RUNDC3B: variants seen among roughly 807,000 people sequenced by gnomAD.
The protein encoded by RUNDC3B is RUN domain-containing protein 3B.
A neutral mutation model predicts 58.4 loss-of-function variants in RUNDC3B; 33 were observed. The observed-to-expected ratio is 0.56, with a 90% CI of 0.43 to 0.75. The LOEUF (loss-of-function observed/expected upper bound fraction) is 0.75, where lower values mean the gene tolerates loss of function less well. RUNDC3B is among the 30% of genes least tolerant of loss of function. The pLI is 0.00. For synonymous variants in RUNDC3B, 193 were observed against 195.2 expected (o/e 0.99, Z 0.10); for missense variants, 501 against 535.7 (o/e 0.94, Z 0.64).
At chr7:87,670,520 TG>T (rs1336460888) in intron 2 of RUNDC3B, among the ~76,000 whole-genome samples, 1 of 152,186 alleles carries the variant, frequency 6.6e-6, no homozygotes, top group Non-Finnish European at 1.5e-5. Flanking sequence ...GGGGAATGGG[TG>T]TGGTCATTTG....
chr7:87,733,308 C>T (rs894321432), intron 4 of RUNDC3B, among the ~76,000 whole-genome samples: 1 of 152,178 alleles, frequency 6.6e-6, no homozygotes, highest in Non-Finnish European at 1.5e-5. Flanking sequence ...CTCGTTCTGG[C>T]AGTCCAACCT....
intron 2 of RUNDC3B, among the ~76,000 whole-genome samples, chr7:87,669,307 T>C (rs572365703): frequency 6.6e-6 from 1 of 152,214 alleles, no homozygotes; most frequent in Non-Finnish European, 1.5e-5. Context: ...CCCTTCTTTT[T>C]TCTGTTTTCC....
At chr7:87,792,936 G>A (rs1362403294) in intron 8 of RUNDC3B, among the ~76,000 whole-genome samples, 3 of 151,842 alleles carry the variant, frequency 2.0e-5, no homozygotes, top group African/African-American at 7.2e-5. Context: ...TAAACAAAAT[G>A]GACAAACCCT....
chr7:87,768,685 T>C (rs1450014459), intron 6 of RUNDC3B, among the ~76,000 whole-genome samples: 1 of 152,178 alleles, frequency 6.6e-6, no homozygotes, highest in Non-Finnish European at 1.5e-5. Context: ...ACCTACCCTT[T>C]CTATGGGACT....
intron 2 of RUNDC3B, among the ~76,000 whole-genome samples, chr7:87,652,615 G>T (rs895537224): frequency 4.5e-4 from 51 of 113,446 alleles, no homozygotes; most frequent in Admixed American, 4.2e-3. Context: ...GACTCTTGTG[G>T]TCACTGATAT....
chr7:87,769,978 C>T (rs1267658392), intron 6 of RUNDC3B, among the ~76,000 whole-genome samples: 1 of 151,930 alleles, frequency 6.6e-6, no homozygotes, highest in Non-Finnish European at 1.5e-5. Context: ...ATAGTCATAT[C>T]CTGAGGAATT....
In RUNDC3B at chr7:87,816,269, A is replaced by C. The variant is rs1837026251; in HGVS notation, c.1225+7A>C. The C allele has an allele frequency of 5.6e-6, 9 of 1,604,692 alleles. No individual in the cohort carries two copies. Among genetic ancestry groups the C allele is most frequent in the Non-Finnish European group, 7.7e-6 (9 of 1,175,562 alleles). On this transcript the variant is annotated splice_region_variant and intron_variant, in intron 10 of 10. Transcript: ENST00000394654. ...TTAAATGTAATGAGTGAAGGTAAGAAAACAAAGAACTATTTGAAAATTACT... is the reference window on the plus strand; with the variant it reads ...TTAAATGTAATGAGTGAAGGTAAGACAACAAAGAACTATTTGAAAATTACT...
rs1238833864 is a variant in RUNDC3B, at chr7:87,821,976, C to T, written c.1225+5714C>T. On this transcript the variant is annotated intron_variant, in intron 10 of 10. Transcript: ENST00000394654. ...TAGGCAATACCATTCAGGACATAGG[C>T]ATGGGCAAGGACTTCATGTCTAAAA... is the stretch of plus-strand genomic sequence containing the variant. 7.9e-5 allele frequency among the ~76,000 whole-genome samples: 12 copies of T among 152,192 alleles called. No homozygotes were observed. In the East Asian group the frequency reaches 2.3e-3, roughly 29 times the overall value.
chr7:87,666,863 C>A (rs1825305193), intron 2 of RUNDC3B, among the ~76,000 whole-genome samples: 1 of 152,056 alleles, frequency 6.6e-6, no homozygotes, highest in African/African-American at 2.4e-5. Flanking sequence ...GTTTTTGTAC[C>A]AGTACCATGC....
intron 4 of RUNDC3B, among the ~76,000 whole-genome samples, chr7:87,735,653 T>G (rs1355417320): frequency 6.6e-6 from 1 of 152,170 alleles, no homozygotes; most frequent in African/African-American, 2.4e-5. Flanking sequence ...AGTGTTATTA[T>G]TATTATTAAT....
Position 87,638,345 on chromosome 7 carries a change from T to TTGTGTGTGTGTG in RUNDC3B, c.122+9424_122+9435dup, listed in dbSNP as rs71524692. On this transcript the variant is annotated intron_variant, in intron 1 of 10. Coordinates refer to ENST00000394654, the MANE Select transcript of RUNDC3B (RefSeq NM_001134405.2). ...ATAAAACAAGTTAGGAAGTATGTGTTTGTGTGTGTGTGTGTGTGTGTGTGT... is the reference window on the plus strand; with the variant it reads ...ATAAAACAAGTTAGGAAGTATGTGTTTGTGTGTGTGTGTGTGTGTGTGTGTGTGTGTGTGTGT... 7.3e-3 allele frequency among the ~76,000 whole-genome samples: 1,061 copies of TTGTGTGTGTGTG among 144,772 alleles called. 13 individuals carry two copies. The highest frequency in any genetic ancestry group is 0.024 in the African/African-American group (941 of 39,242). 95.0% of individuals were successfully genotyped at this position (144,772 alleles called of 152,430 possible).
chr7:87,818,994 G>A (rs1009684751), intron 10 of RUNDC3B, among the ~76,000 whole-genome samples: 4 of 152,138 alleles, frequency 2.6e-5, no homozygotes, highest in African/African-American at 9.7e-5. Context: ...TCTCAAGGGG[G>A]AACGAGCTAT....
At chr7:87,826,337 T>C (rs1234073290) in intron 10 of RUNDC3B, among the ~76,000 whole-genome samples, 3 of 151,996 alleles carry the variant, frequency 2.0e-5, no homozygotes, top group Non-Finnish European at 2.9e-5. Context: ...TCTGCTGCCA[T>C]GTGAGATGTG....
chr7:87,829,922 ATC>A lies in RUNDC3B; in HGVS notation c.1267_1268del (p.Leu423AsnfsTer15). ...DTPSLLGLCGSLTSVASYKSL... is the reference protein window; with the variant it reads ...DTPSLLGLCGXLTSVASYKSL... ...CTCCCTCATTACTTGGCCTCTGTGGATCTCTAACGTCAGTGGCAAGTTACAAG... is the reference window on the plus strand; with the variant it reads ...CTCCCTCATTACTTGGCCTCTGTGGATCTAACGTCAGTGGCAAGTTACAAG... On this transcript the variant is annotated frameshift_variant, in exon 11 of 11. Coordinates refer to ENST00000394654, the MANE Select transcript of RUNDC3B (RefSeq NM_001134405.2). LOFTEE classifies it high-confidence loss of function. The A allele has an allele frequency of 6.2e-7, 1 of 1,608,174 alleles. No individual in the cohort carries two copies. Among genetic ancestry groups the A allele is most frequent in the East Asian group, 2.2e-5 (1 of 44,668 alleles).
rs866518592 is a variant in RUNDC3B, at chr7:87,628,584, C to T, written c.-240C>T. 293 of 290,724 alleles carry T rather than the reference C, an allele frequency of 1.0e-3. No individual in the cohort carries two copies. The highest frequency in any genetic ancestry group is 1.3e-3 in the African/African-American group (53 of 41,760). 18.0% of individuals were successfully genotyped at this position (290,724 alleles called of 1,614,324 possible). A position where few individuals can be genotyped will look rare whatever the true frequency, so the allele number is the denominator to read the frequency against. ...CGAGGGCGGAGGTGGTGCGTGCGTG[C>T]GTGTGTGTGTGTGTGTGTGTGTGTG... On this transcript the variant is annotated 5_prime_UTR_variant, in exon 1 of 11. Coordinates refer to ENST00000394654, the MANE Select transcript of RUNDC3B (RefSeq NM_001134405.2).
chr7:87,774,305 A>C (rs1834497623), intron 7 of RUNDC3B, among the ~76,000 whole-genome samples: 1 of 152,192 alleles, frequency 6.6e-6, no homozygotes, highest in Non-Finnish European at 1.5e-5. Flanking sequence ...TTAGAAAAGA[A>C]ACAATGAAAA....
chr7:87,701,039 A>G lies in RUNDC3B; in HGVS notation c.372+485A>G, dbSNP rs183023343. 2.5e-4 allele frequency among the ~76,000 whole-genome samples: 38 copies of G among 152,252 alleles called. 1 individual carries two copies. The highest frequency in any genetic ancestry group is 1.4e-3 in the Admixed American group (21 of 15,294). Reference sequence around the variant, plus strand: ...AAACATTAATTCTTATTAAATCTCAACTTTGAGGATCTGTCTTTTTAATAT... The same window carrying G: ...AAACATTAATTCTTATTAAATCTCAGCTTTGAGGATCTGTCTTTTTAATAT... On this transcript the variant is annotated intron_variant, in intron 3 of 10. Transcript: ENST00000394654.
At position 87,628,701 on chromosome 7, in the gene RUNDC3B, A is replaced by T; in HGVS notation, c.-123A>T. 1.8e-6 allele frequency: 1 copy of T among 566,888 alleles called. No individual in the cohort carries two copies. The highest frequency in any genetic ancestry group is 2.6e-6 in the Non-Finnish European group (1 of 380,562). 35.1% of individuals were successfully genotyped at this position (566,888 alleles called of 1,614,324 possible). On this transcript the variant is annotated 5_prime_UTR_variant, in exon 1 of 11. Coordinates refer to ENST00000394654, the MANE Select transcript of RUNDC3B (RefSeq NM_001134405.2). ...TGTCTTCCACACCCTTCCTCCCTCC[A>T]GGCTCCTTTCCTACATCCTTCCCGC... is the stretch of plus-strand genomic sequence containing the variant.
chr7:87,803,497 T>G (rs2130927782), intron 8 of RUNDC3B, among the ~76,000 whole-genome samples: 1 of 152,324 alleles, frequency 6.6e-6, no homozygotes, highest in East Asian at 1.9e-4. Context: ...TGACAGATTT[T>G]TATCTGCAGA....
Sources: gnomAD v4.1 joint callset for allele counts (sites outside exome capture counted in the v4.1 genomes callset) on GRCh38, gnomAD v4.1.1 for gene constraint, MANE v1.5 for transcripts, NCBI Gene and HGNC (gene_info 2026-07-23, HGNC 2026-07-21) for gene names.